The following DCC variants were observed in gnomAD, a reference collection of about 807,000 sequenced individuals.
DCC encodes netrin receptor DCC.
A neutral mutation model predicts 172.5 loss-of-function variants in DCC; 58 were observed. That is an observed-to-expected ratio of 0.34 (90% CI 0.27 to 0.42). The LOEUF is 0.42. Among genes scored for constraint, DCC ranks in the 10% least tolerant of loss-of-function variants. The probability of loss-of-function intolerance (pLI) is 1.00; values close to 1 mark genes in which losing one functional copy is unlikely to be tolerated. For synonymous variants in DCC, 709 were observed against 644.5 expected (o/e 1.10, Z -1.52); for missense variants, 1,740 against 1,791.0 (o/e 0.97, Z 0.51).
chr18:52,841,576 G>A (rs1473793800), intron 2 of DCC, among the ~76,000 whole-genome samples: 3 of 152,172 alleles, frequency 2.0e-5, no homozygotes, highest in Admixed American at 6.5e-5. Flanking sequence ...ACCAGTACAT[G>A]TAGTGAGAAG....
chr18:53,470,753 G>C (rs910422342), intron 25 of DCC, among the ~76,000 whole-genome samples: 1 of 152,076 alleles, frequency 6.6e-6, no homozygotes, highest in Non-Finnish European at 1.5e-5. Context: ...GAAGGGGGAA[G>C]AGCCCCATAT....
At chr18:52,911,992 T>C (rs182123574) in intron 3 of DCC, among the ~76,000 whole-genome samples, 1 of 152,116 alleles carries the variant, frequency 6.6e-6, no homozygotes, top group East Asian at 1.9e-4. Context: ...TGAAAAGGTC[T>C]GCATATGGAC....
intron 5 of DCC, among the ~76,000 whole-genome samples, chr18:53,045,966 A>T (rs1333352587): frequency 1.3e-5 from 2 of 151,854 alleles, no homozygotes; most frequent in Non-Finnish European, 2.9e-5. Flanking sequence ...AGATTTTATG[A>T]ATCTAACCTG....
intron 12 of DCC, among the ~76,000 whole-genome samples, chr18:53,291,657 G>T (rs1395092474): frequency 6.6e-6 from 1 of 151,940 alleles, no homozygotes; most frequent in African/African-American, 2.4e-5. Context: ...GCTTTCTTAG[G>T]TCTAGTTCCT....
intron 15 of DCC, among the ~76,000 whole-genome samples, chr18:53,342,974 T>C (rs1051746036): frequency 8.3e-4 from 125 of 150,872 alleles, no homozygotes; most frequent in Admixed American, 2.2e-3. Flanking sequence ...TATAGATGTA[T>C]TGTGGTATTT....
intron 5 of DCC, among the ~76,000 whole-genome samples, chr18:53,031,886 T>C (rs1296762679): frequency 6.6e-6 from 1 of 152,100 alleles, no homozygotes; most frequent in Non-Finnish European, 1.5e-5. Context: ...GCATTGTATG[T>C]ATGCAAGTTT....
intron 2 of DCC, among the ~76,000 whole-genome samples, chr18:52,805,012 G>A (rs1482297074): frequency 3.3e-5 from 5 of 151,976 alleles, no homozygotes; most frequent in Admixed American, 3.3e-4. Flanking sequence ...TCTAGCCTCT[G>A]CCACTAAATG....
At chr18:53,300,029 C>A (rs1433735102) in intron 12 of DCC, among the ~76,000 whole-genome samples, 2 of 152,098 alleles carry the variant, frequency 1.3e-5, no homozygotes, top group Non-Finnish European at 2.9e-5. Flanking sequence ...ATTTATCACA[C>A]TTAAAGAATA....
At chr18:53,487,441 A>G (rs1207171055) in intron 26 of DCC, among the ~76,000 whole-genome samples, 1 of 150,808 alleles carries the variant, frequency 6.6e-6, no homozygotes, top group Non-Finnish European at 1.5e-5. Flanking sequence ...CCAGGGTATT[A>G]TTTCATTTCT....
At chr18:52,341,046 C>T (rs1452949659) in intron 1 of DCC, among the ~76,000 whole-genome samples, 168 bp downstream of exon 1, 5 of 150,406 alleles carry the variant, frequency 3.3e-5, no homozygotes, top group Non-Finnish European at 7.4e-5. Flanking sequence ...TTTTTTTCTT[C>T]CCTGGGGGCG....
At chr18:53,486,741 G>C in intron 25 of DCC, 56 bp from the exon 26 acceptor site, 1 of 1,611,246 alleles carries the variant, frequency 6.2e-7, no homozygotes. Context: ...TTTCTTTTTT[G>C]CTTGTTGAGT....
At chr18:53,246,364 C>A (rs2144648522) in intron 12 of DCC, among the ~76,000 whole-genome samples, 1 of 152,030 alleles carries the variant, frequency 6.6e-6, no homozygotes, top group East Asian at 1.9e-4. Context: ...TCATCTTTTA[C>A]ATATTAAAAT....
chr18:53,162,880 A>G (rs549463250), intron 8 of DCC, among the ~76,000 whole-genome samples: 1 of 152,102 alleles, frequency 6.6e-6, no homozygotes, highest in Non-Finnish European at 1.5e-5. Flanking sequence ...GGCTGTTTTT[A>G]TCTTCTTTAT....
chr18:53,033,309 T>A (rs1479097524), intron 5 of DCC, among the ~76,000 whole-genome samples: 2 of 152,132 alleles, frequency 1.3e-5, no homozygotes, highest in East Asian at 3.9e-4. Context: ...TAAATTATGT[T>A]GATTCCCAGC....
At chr18:52,554,309 G>C (rs2144728342) in intron 1 of DCC, among the ~76,000 whole-genome samples, 1 of 152,182 alleles carries the variant, frequency 6.6e-6, no homozygotes, top group East Asian at 1.9e-4. Context: ...TGTTTATCCT[G>C]ATTAACATTT....
chr18:52,349,709 G>T (rs1009175112), intron 1 of DCC, among the ~76,000 whole-genome samples: 3 of 152,122 alleles, frequency 2.0e-5, no homozygotes, highest in African/African-American at 4.8e-5. Flanking sequence ...CAGTGACACT[G>T]CCTCTTCTGG....
rs1986631776 is a variant in DCC, at chr18:52,405,946, A to G, written c.91+65068A>G. On this transcript the variant is annotated intron_variant, in intron 1 of 28. Transcript: ENST00000442544. ...ATACTACAAGGCTACAGTAACCAAA[A>G]CAGCATAGTACTGGTACCAAAACAG... Among the ~76,000 whole-genome samples, 11 of 151,928 alleles carry G rather than the reference A, an allele frequency of 7.2e-5. No homozygotes were observed. The South Asian group carries it at 2.3e-3, about 32-fold the overall frequency.
At chr18:53,417,729 A>C (rs1446611739) in intron 21 of DCC, among the ~76,000 whole-genome samples, 2 of 152,314 alleles carry the variant, frequency 1.3e-5, no homozygotes, top group South Asian at 2.1e-4. Flanking sequence ...TTAGTCACTT[A>C]GTTGACAACA....
At chr18:52,986,562 C>CCAAAAAGCT (rs2041295907) in intron 5 of DCC, among the ~76,000 whole-genome samples, 1 of 152,074 alleles carries the variant, frequency 6.6e-6, no homozygotes, top group African/African-American at 2.4e-5. Flanking sequence ...ATATATCTAT[C>CCAAAAAGCT]CAAAAAGCTG....
Sources: allele counts gnomAD v4.1 joint callset (sites outside exome capture counted in the v4.1 genomes callset), GRCh38; gene constraint gnomAD v4.1.1; transcripts MANE v1.5; gene names NCBI Gene and HGNC (gene_info 2026-07-23, HGNC 2026-07-21).